The following PSMD5 variants were observed in gnomAD, a reference collection of about 807,000 sequenced individuals.
PSMD5 encodes 26S proteasome non-ATPase regulatory subunit 5.
In PSMD5, 40 loss-of-function variants were observed where a neutral mutation model predicts 52.1. The ratio of observed to expected loss-of-function variants is 0.77; its 90% confidence interval spans 0.60 to 1.00. The LOEUF is 1.00. Among genes scored for constraint, PSMD5 ranks in the 50% least tolerant of loss-of-function variants. PSMD5 has a pLI of 0.00. For missense variants in PSMD5, 575 were observed against 605.2 expected (o/e 0.95, Z 0.52); for synonymous variants, 211 against 226.6 (o/e 0.93, Z 0.62).
At chr9:120,841,617 A>G (rs1768871248) in intron 1 of PSMD5, among the ~76,000 whole-genome samples, 1 of 152,112 alleles carries the variant, frequency 6.6e-6, no homozygotes, top group Non-Finnish European at 1.5e-5. Flanking sequence ...AACAAAACAC[A>G]GAGATCTTTC....
Position 120,826,801 on chromosome 9 carries a change from C to T in PSMD5, c.778G>A (p.Ala260Thr). 1.2e-6 allele frequency: 2 copies of T among 1,613,818 alleles called. No individual in the cohort carries two copies. The highest frequency in any genetic ancestry group is 1.7e-6 in the Non-Finnish European group (2 of 1,179,748). The change falls in exon 6 of 10, where the codon GCA becomes ACA. Residue 260 changes from alanine (A) to threonine (T), a missense_variant. Coordinates refer to ENST00000210313, the MANE Select transcript of PSMD5 (RefSeq NM_005047.4). ...AAGCTAGAGAAAGGGTCTGAATCTG[C>T]CCCAACAATTATATTAGAAATTTGG... is the stretch of plus-strand genomic sequence containing the variant. ...IDQISNIIVG[A>T]DSDPFSSFYL...
chr9:120,822,618 G>A (rs1023560308), intron 7 of PSMD5, among the ~76,000 whole-genome samples: 6 of 151,738 alleles, frequency 4.0e-5, no homozygotes, highest in South Asian at 2.1e-4. Context: ...GCGCAATCTC[G>A]ACTCACGGCC....
At position 120,842,818 on chromosome 9, in the gene PSMD5, G is replaced by C. The variant is rs151222283; in HGVS notation, c.92C>G (p.Ala31Gly). Residue 31 changes from alanine to glycine, a missense_variant, in exon 1 of 10, where the codon GCA becomes GGA. Physicochemically the swap from Ala to Gly is moderately conservative, Grantham distance 60. Coordinates refer to ENST00000210313, the MANE Select transcript of PSMD5 (RefSeq NM_005047.4). ...CTGGCGAAGCTCGTTGAGCGGCACT[G>C]CCTGCAGCACGGAGTGAAGCGCGCG... ...ELRALHSVLQ[A>G]VPLNELRQQA... is the part of the protein sequence containing the mutation. 2.2e-4 allele frequency: 348 copies of C among 1,611,890 alleles called. 1 individual carries two copies. The highest frequency in any genetic ancestry group is 1.3e-3 in the Middle Eastern group (8 of 5,966).
chr9:120,835,366 CA>C (rs2045190616), intron 1 of PSMD5, among the ~76,000 whole-genome samples: 2 of 152,150 alleles, frequency 1.3e-5, no homozygotes, highest in African/African-American at 4.8e-5. Flanking sequence ...AAGCCAGACA[CA>C]AAAGGCTTCC....
chr9:120,830,387 G>A (rs2045151644), intron 4 of PSMD5, among the ~76,000 whole-genome samples: 1 of 152,208 alleles, frequency 6.6e-6, no homozygotes. Context: ...TCAGTTGGAA[G>A]TTTACATCTG....
chr9:120,820,446 T>G (rs1177505791), intron 9 of PSMD5, among the ~76,000 whole-genome samples: 1 of 152,146 alleles, frequency 6.6e-6, no homozygotes, highest in African/African-American at 2.4e-5. Flanking sequence ...AGGAAGAGTG[T>G]TAGATACGGA....
At chr9:120,826,284 G>A (rs2045121381) in intron 6 of PSMD5, among the ~76,000 whole-genome samples, 2 of 152,162 alleles carry the variant, frequency 1.3e-5, no homozygotes, top group African/African-American at 4.8e-5. Context: ...ATGAGCCACT[G>A]CGCCCGGCCT....
At chr9:120,821,680 C>CA (rs1189571703) in intron 7 of PSMD5, among the ~76,000 whole-genome samples, 8 of 152,232 alleles carry the variant, frequency 5.3e-5, no homozygotes, top group African/African-American at 1.9e-4. Context: ...TCTCTACCCT[C>CA]ATCCCCTGCC....
In PSMD5 at chr9:120,829,110, AT is replaced by A; in HGVS notation, c.659del (p.Asp220ValfsTer9). On this transcript the variant is annotated frameshift_variant, in exon 5 of 10. Coordinates refer to ENST00000210313, the MANE Select transcript of PSMD5 (RefSeq NM_005047.4). LOFTEE classifies it high-confidence loss of function. ...TQLLRELTGE[D>X]VLVRATCIEM... The stretch of plus-strand genomic sequence containing the variant: ...CTCAGTCAACACACCTGACCAACAC[AT>A]CCTCACCAGTCAGCTCTCTCAGGAG... 1.9e-6 allele frequency: 3 copies of A among 1,594,558 alleles called. No individual in the cohort carries two copies. Among genetic ancestry groups the A allele is most frequent in the Non-Finnish European group, 1.7e-6 (2 of 1,171,102 alleles).
At chr9:120,826,622 T>G (rs941083513) in intron 6 of PSMD5, 143 bp downstream of exon 6, 2 of 1,076,980 alleles carry the variant, frequency 1.9e-6, no homozygotes, top group Non-Finnish European at 2.6e-6. Context: ...TCTAGATATC[T>G]TCTAAACGAA....
intron 1 of PSMD5, 40 bp downstream of exon 1, chr9:120,842,697 G>A (rs1464278566): frequency 1.2e-6 from 2 of 1,608,320 alleles, no homozygotes; most frequent in East Asian, 2.2e-5. Flanking sequence ...ATATTTAGGG[G>A]TGCCCCTCTC....
chr9:120,829,348 T>G, intron 4 of PSMD5, 140 bp from the exon 5 acceptor site: 1 of 1,071,950 alleles, frequency 9.3e-7, no homozygotes, highest in Non-Finnish European at 1.2e-6. Flanking sequence ...TCTCTTTAAG[T>G]AGAAAAACTT....
intron 9 of PSMD5, among the ~76,000 whole-genome samples, chr9:120,819,560 C>T (rs1457565741): frequency 6.6e-6 from 1 of 152,180 alleles, no homozygotes; most frequent in Non-Finnish European, 1.5e-5. Flanking sequence ...TCTGGCTAGG[C>T]GCGGTGGCTC....
intron 7 of PSMD5, among the ~76,000 whole-genome samples, chr9:120,821,932 G>A (rs530872925): frequency 6.6e-6 from 1 of 152,288 alleles, no homozygotes; most frequent in South Asian, 2.1e-4. Context: ...ACATTGGGTT[G>A]CTTGCACCTT....
chr9:120,825,023 A>G (rs2045113141), intron 6 of PSMD5: 1 of 174,562 alleles, frequency 5.7e-6, no homozygotes, highest in African/African-American at 2.4e-5. Flanking sequence ...ATGTTCATTA[A>G]TAAAATAAGC....
At position 120,829,183 on chromosome 9, in the gene PSMD5, G is replaced by T; in HGVS notation, c.587C>A (p.Ser196Ter). The T allele has an allele frequency of 1.9e-6, 3 of 1,597,030 alleles. No individual in the cohort carries two copies. In the South Asian group the frequency reaches 3.4e-5, roughly 18 times the overall value. The part of the protein sequence containing the change: ...YELIIEISSV[S>*]PESLNYCTTS... ...GGTACAGTAGTTTAAAGATTCTGGT[G>T]ACACGGAAGAAATCTCTATAATTAG... Residue 196 changes from serine to a stop codon, truncating the protein, a stop_gained, in exon 5 of 10, where the codon TCA becomes TAA. Coordinates refer to ENST00000210313, the MANE Select transcript of PSMD5 (RefSeq NM_005047.4). LOFTEE classifies it high-confidence loss of function.
At chr9:120,819,306 C>G (rs2045066751) in intron 9 of PSMD5, among the ~76,000 whole-genome samples, 1 of 152,100 alleles carries the variant, frequency 6.6e-6, no homozygotes, top group Non-Finnish European at 1.5e-5. Context: ...TAATAAGATT[C>G]CTAAGATTAA....
Position 120,823,177 on chromosome 9 carries a change from C to A in PSMD5, c.1006+1317G>T, listed in dbSNP as rs1371655401. 5.9e-5 allele frequency among the ~76,000 whole-genome samples: 9 copies of A among 151,476 alleles called. No individual in the cohort carries two copies. In the East Asian group the frequency reaches 1.7e-3, roughly 29 times the overall value. On this transcript the variant is annotated intron_variant, in intron 7 of 9. Coordinates refer to ENST00000210313, the MANE Select transcript of PSMD5 (RefSeq NM_005047.4). ...GTGTAAAATTTGTTGTGCTGTTGAT[C>A]CTCATGGATGTTCCATAAAAGTATC...
At chr9:120,826,144 A>ATG (rs2045120503) in intron 6 of PSMD5, among the ~76,000 whole-genome samples, 1 of 151,848 alleles carries the variant, frequency 6.6e-6, no homozygotes, top group African/African-American at 2.4e-5. Context: ...ACCGGCACCC[A>ATG]CCACCATGCC....
Sources: allele counts gnomAD v4.1 joint callset (sites outside exome capture counted in the v4.1 genomes callset), GRCh38; gene constraint gnomAD v4.1.1; transcripts MANE v1.5; gene names NCBI Gene and HGNC (gene_info 2026-07-23, HGNC 2026-07-21).